REDIC1: variants seen among roughly 807,000 people sequenced by gnomAD.
The protein encoded by REDIC1 is regulator of DNA class I crossover intermediates 1, also known as HEI10 Interacting Protein 1.
the REDIC1 span, among the ~76,000 whole-genome samples, chr12:39,714,709 C>T: frequency 0.011 from 1,692 of 151,938 alleles, 14 homozygotes; most frequent in Non-Finnish European, 0.018. Flanking sequence ...CTGTTCACCA[C>T]TCCCATACCA....
At chr12:39,741,570 T>C in the REDIC1 span, among the ~76,000 whole-genome samples, 849 of 152,276 alleles carry the variant, frequency 5.6e-3, 9 homozygotes, top group African/African-American at 0.019. Context: ...TGAGTCAATA[T>C]GAGTGACTGT....
At chr12:39,760,264 T>C in the REDIC1 span, 2 of 1,594,704 alleles carry the variant, frequency 1.3e-6, no homozygotes. Context: ...TGCAACGGAA[T>C]ATAATAGATA....
the REDIC1 span, among the ~76,000 whole-genome samples, chr12:39,650,629 G>T: frequency 6.6e-6 from 1 of 152,062 alleles, no homozygotes; most frequent in Non-Finnish European, 1.5e-5. The surrounding 1 kb of genome is among the most constrained non-coding windows in gnomAD (Gnocchi z 4.3). Flanking sequence ...GAGTGCAGTG[G>T]TACAATTATC....
chr12:39,698,838 G>C, the REDIC1 span, among the ~76,000 whole-genome samples: 1 of 152,082 alleles, frequency 6.6e-6, no homozygotes, highest in Non-Finnish European at 1.5e-5. Context: ...TACAGCAAAA[G>C]CAGTACTAAG....
the REDIC1 span, among the ~76,000 whole-genome samples, chr12:39,680,539 C>G: frequency 6.6e-6 from 1 of 152,136 alleles, no homozygotes; most frequent in Non-Finnish European, 1.5e-5. Flanking sequence ...GGTATGTAAA[C>G]TAGTACAACC....
the REDIC1 span, among the ~76,000 whole-genome samples, chr12:39,891,631 A>G: frequency 2.0e-5 from 3 of 152,158 alleles, no homozygotes; most frequent in African/African-American, 4.8e-5. Flanking sequence ...TCTGCAGCCT[A>G]TTACTGCTGA....
chr12:39,631,612 G>C, the REDIC1 span, among the ~76,000 whole-genome samples: 1 of 152,108 alleles, frequency 6.6e-6, no homozygotes, highest in African/African-American at 2.4e-5. Flanking sequence ...ATGACAAAGA[G>C]TACTTGTGAA....
chr12:39,760,053 A>T, the REDIC1 span: 5 of 1,612,480 alleles, frequency 3.1e-6, no homozygotes, highest in Non-Finnish European at 3.4e-6. Flanking sequence ...CATCATTGTC[A>T]GAAAGATGAT....
chr12:39,731,909 G>A, the REDIC1 span, among the ~76,000 whole-genome samples: 2 of 149,826 alleles, frequency 1.3e-5, no homozygotes, highest in African/African-American at 4.9e-5. Flanking sequence ...AGAAATGATA[G>A]CTTAGAGGAT....
chr12:39,684,812 A>G, the REDIC1 span: 31 of 1,314,508 alleles, frequency 2.4e-5, 1 homozygote, highest in South Asian at 2.6e-4. Context: ...ATTTAGAACA[A>G]TAATTCCCAG....
chr12:39,817,085 T>G, the REDIC1 span, among the ~76,000 whole-genome samples: 1 of 152,166 alleles, frequency 6.6e-6, no homozygotes, highest in South Asian at 2.1e-4. Flanking sequence ...TCTCTTTTCA[T>G]AACAGCAAAA....
the REDIC1 span, among the ~76,000 whole-genome samples, chr12:39,826,602 G>GA: frequency 4.1e-5 from 6 of 147,834 alleles, no homozygotes; most frequent in Non-Finnish European, 8.9e-5. Flanking sequence ...ATTTCTTTCT[G>GA]AAAAAAAATA....
At chr12:39,852,493 T>TG in the REDIC1 span, among the ~76,000 whole-genome samples, 94 of 152,234 alleles carry the variant, frequency 6.2e-4, 2 homozygotes, top group Non-Finnish European at 1.3e-4. Flanking sequence ...TCATTGATCA[T>TG]GACTCACAGA....
chr12:39,905,947 T>C, the REDIC1 span, among the ~76,000 whole-genome samples: 2 of 152,128 alleles, frequency 1.3e-5, no homozygotes, highest in Non-Finnish European at 2.9e-5. Context: ...TACACTATAT[T>C]TGGTATAAAA....
the REDIC1 span, among the ~76,000 whole-genome samples, chr12:39,708,014 GGTA>G: frequency 6.6e-6 from 1 of 151,756 alleles, no homozygotes; most frequent in Non-Finnish European, 1.5e-5. Flanking sequence ...GGCTAGGAAA[GGTA>G]GTTGTGGGGT....
At chr12:39,810,522 G>A in the REDIC1 span, among the ~76,000 whole-genome samples, 1 of 152,104 alleles carries the variant, frequency 6.6e-6, no homozygotes, top group Non-Finnish European at 1.5e-5. Context: ...ATGTCATGTA[G>A]TAGTGTTAAG....
chr12:39,827,534 T>C, the REDIC1 span, among the ~76,000 whole-genome samples: 3 of 152,156 alleles, frequency 2.0e-5, no homozygotes, highest in Non-Finnish European at 4.4e-5. Flanking sequence ...TTACACTCTT[T>C]TGTGACGCTT....
chr12:39,846,859 A>G, the REDIC1 span, among the ~76,000 whole-genome samples: 1 of 152,158 alleles, frequency 6.6e-6, no homozygotes, highest in East Asian at 1.9e-4. Flanking sequence ...AGCTCTTAGT[A>G]AAGTGATCCA....
At chr12:39,717,244 TA>T in the REDIC1 span, among the ~76,000 whole-genome samples, 1 of 151,566 alleles carries the variant, frequency 6.6e-6, no homozygotes, top group Non-Finnish European at 1.5e-5. Flanking sequence ...GAAATCTGAA[TA>T]AAAGGTTTGA....
Sources: gnomAD v4.1 joint callset for allele counts (sites outside exome capture counted in the v4.1 genomes callset) on GRCh38, gnomAD v4.1.1 for gene constraint, Gnocchi (gnomAD v3.1) non-coding constraint, MANE v1.5 for transcripts, NCBI Gene and HGNC (gene_info 2026-07-23, HGNC 2026-07-21) for gene names.